MAP2: variants seen among roughly 807,000 people sequenced by gnomAD.
The protein encoded by MAP2 is microtubule associated protein 2.
Under a neutral mutation model 137.6 loss-of-function variants are expected in MAP2, and 14 were observed. That is an observed-to-expected ratio of 0.10 (90% CI 0.07 to 0.16). The LOEUF (loss-of-function observed/expected upper bound fraction) is 0.16, where lower values mean the gene tolerates loss of function less well. MAP2 is among the 10% of genes least tolerant of loss of function. The pLI, the probability that MAP2 is intolerant of heterozygous loss-of-function variation, is 1.00. For synonymous variants in MAP2, 786 were observed against 782.3 expected (o/e 1.00, Z -0.08); for missense variants, 2,088 against 2,191.5 (o/e 0.95, Z 0.94).
chr2:209,562,472 G>C (rs1356023274), intron 2 of MAP2, among the ~76,000 whole-genome samples: 1 of 151,886 alleles, frequency 6.6e-6, no homozygotes, highest in African/African-American at 2.4e-5. Flanking sequence ...CGAGGAGAGT[G>C]GATCACTTAA....
At chr2:209,468,317 CTTTTTTTTTTTTTT>C (rs11450792) in intron 1 of MAP2, among the ~76,000 whole-genome samples, 1 of 88,532 alleles carries the variant, frequency 1.1e-5, no homozygotes, top group African/African-American at 4.6e-5. Context: ...TTTAGTGTTT[CTTTTTTTTTTTTTT>C]TTTTTTTGAG....
intron 3 of MAP2, among the ~76,000 whole-genome samples, chr2:209,594,507 G>C (rs555085402): frequency 6.6e-6 from 1 of 152,020 alleles, no homozygotes; most frequent in Non-Finnish European, 1.5e-5. Flanking sequence ...AACAAAACAC[G>C]TTTCCCTGGT....
chr2:209,652,485 T>A (rs1024279000), intron 4 of MAP2, among the ~76,000 whole-genome samples: 13 of 152,216 alleles, frequency 8.5e-5, no homozygotes, highest in Admixed American at 1.3e-4. Context: ...TCTTTTTTTT[T>A]ATTATACTTT....
intron 1 of MAP2, among the ~76,000 whole-genome samples, chr2:209,455,927 A>G (rs540725708): frequency 1.3e-5 from 2 of 152,182 alleles, no homozygotes; most frequent in Non-Finnish European, 2.9e-5. Flanking sequence ...AGTGCCAGGC[A>G]TATTATTAAA....
At chr2:209,659,914 T>G (rs1224998577) in intron 5 of MAP2, among the ~76,000 whole-genome samples, 1 of 151,868 alleles carries the variant, frequency 6.6e-6, no homozygotes, top group Non-Finnish European at 1.5e-5. Flanking sequence ...GGCGGGCGCG[T>G]GTAGTCCCAG....
chr2:209,614,782 C>T (rs559896373), intron 3 of MAP2, among the ~76,000 whole-genome samples: 15 of 152,202 alleles, frequency 9.9e-5, no homozygotes, highest in Admixed American at 4.6e-4. Context: ...AGGGTGCCAG[C>T]TTAGTCCCCA....
chr2:209,726,704 C>A (rs2074174992), intron 14 of MAP2, among the ~76,000 whole-genome samples: 2 of 152,308 alleles, frequency 1.3e-5, no homozygotes, highest in East Asian at 1.9e-4. Flanking sequence ...TTAGAGGCTG[C>A]AGCAAGCTAT....
In MAP2 at chr2:209,692,657, G is replaced by A. The variant is rs1056902676; in HGVS notation, c.487G>A (p.Asp163Asn). Residue 163 changes from aspartate to asparagine, a missense_variant, in exon 8 of 16, where the codon GAT (aspartate) becomes AAT (asparagine). Coordinates refer to ENST00000682079, the MANE Select transcript of MAP2 (RefSeq NM_001375505.1). ...TACAGCCTCGAAGATGGAGTTCCAC[G>A]ATCAACAGGAATTGACTCCCTCTAC... is the stretch of plus-strand genomic sequence containing the variant. ...LLTASKMEFH[D>N]QQELTPSTAE... 5 of 1,588,008 alleles carry A rather than the reference G, an allele frequency of 3.1e-6. No individual in the cohort carries two copies. Among genetic ancestry groups the A allele is most frequent in the East Asian group, 2.2e-5 (1 of 44,594 alleles).
chr2:209,672,284 C>T (rs764803407), intron 5 of MAP2, among the ~76,000 whole-genome samples: 9 of 151,760 alleles, frequency 5.9e-5, no homozygotes, highest in Non-Finnish European at 1.0e-4. Flanking sequence ...CCCAACATTT[C>T]AGCAAGGAGG....
chr2:209,574,784 A>G (rs2075034949), intron 2 of MAP2, among the ~76,000 whole-genome samples: 1 of 152,216 alleles, frequency 6.6e-6, no homozygotes, highest in Non-Finnish European at 1.5e-5. Context: ...AATGTCATCT[A>G]TAGTAAATAA....
rs1329724198 is a variant in MAP2, at chr2:209,445,472, A to G, written c.-222+21196A>G. ...CTATGTGGCACAGGTTTTTCAGCAGAGACGTTGCAACACATTTAAAACATA... is the reference window on the plus strand; with the variant it reads ...CTATGTGGCACAGGTTTTTCAGCAGGGACGTTGCAACACATTTAAAACATA... On this transcript the variant is annotated intron_variant, in intron 1 of 15. Transcript: ENST00000682079. 6.6e-5 allele frequency among the ~76,000 whole-genome samples: 9 copies of G among 136,786 alleles called. No homozygotes were observed. The Admixed American group carries it at 6.6e-4, about 10-fold the overall frequency. 89.7% of individuals were successfully genotyped at this position (136,786 alleles called of 152,430 possible).
At chr2:209,473,276 A>G (rs932673113) in intron 1 of MAP2, among the ~76,000 whole-genome samples, 2 of 152,128 alleles carry the variant, frequency 1.3e-5, no homozygotes, top group South Asian at 4.1e-4. Context: ...TGGTGAGAAA[A>G]TAAGTGGTAA....
At chr2:209,529,762 G>A (rs2064803498) in intron 2 of MAP2, among the ~76,000 whole-genome samples, 1 of 152,030 alleles carries the variant, frequency 6.6e-6, no homozygotes, top group African/African-American at 2.4e-5. Flanking sequence ...GTACCTATAA[G>A]CTATTTATTT....
chr2:209,490,346 C>T (rs1235495498), intron 1 of MAP2, among the ~76,000 whole-genome samples: 2 of 151,928 alleles, frequency 1.3e-5, no homozygotes, highest in Non-Finnish European at 2.9e-5. Context: ...AGACCATCGA[C>T]ACTATGAAGA....
At position 209,693,216 on chromosome 2, in the gene MAP2, A is replaced by T; in HGVS notation, c.1046A>T (p.Asp349Val). Residue 349 changes from aspartate (D) to valine (V), a missense_variant, in exon 8 of 16, where the codon GAC becomes GTC. By Grantham distance (152) the Asp-to-Val change is radical. Transcript: ENST00000682079. ...GCCCCTGCCTTTTTACAGCCAGATG[A>T]CAAAAAATCTCTGCAACAAACCAGT... is the stretch of plus-strand genomic sequence containing the variant. The part of the protein sequence containing the change: ...PFAPAFLQPD[D>V]KKSLQQTSGP... The T allele has an allele frequency of 6.2e-7, 1 of 1,613,246 alleles. No individual in the cohort carries two copies. Among genetic ancestry groups the T allele is most frequent in the Non-Finnish European group, 8.5e-7 (1 of 1,179,818 alleles).
chr2:209,429,460 C>T (rs1693644700), intron 1 of MAP2, among the ~76,000 whole-genome samples: 1 of 151,898 alleles, frequency 6.6e-6, no homozygotes, highest in African/African-American at 2.4e-5. Flanking sequence ...ACTAGTTCCA[C>T]TAATGTGTAC....
intron 1 of MAP2, among the ~76,000 whole-genome samples, chr2:209,429,017 C>G (rs945292681): frequency 8.6e-5 from 13 of 151,952 alleles, no homozygotes; most frequent in Middle Eastern, 6.8e-3. Context: ...ACAGTGGCGC[C>G]ATCTCGGCTC....
At chr2:209,667,622 A>G (rs185519342) in intron 5 of MAP2, among the ~76,000 whole-genome samples, 22 of 152,130 alleles carry the variant, frequency 1.4e-4, no homozygotes, top group Admixed American at 1.3e-3. Context: ...TATATTTTTC[A>G]TATATTATCA....
At chr2:209,483,695 G>A (rs1370756805) in intron 1 of MAP2, among the ~76,000 whole-genome samples, 2 of 152,140 alleles carry the variant, frequency 1.3e-5, no homozygotes, top group Non-Finnish European at 2.9e-5. Flanking sequence ...TTTGAAATTG[G>A]AGGCAAAAGT....
Sources: allele counts gnomAD v4.1 joint callset (sites outside exome capture counted in the v4.1 genomes callset), GRCh38; gene constraint gnomAD v4.1.1; transcripts MANE v1.5; gene names NCBI Gene and HGNC (gene_info 2026-07-23, HGNC 2026-07-21).